The following PKNOX2 variants were observed in gnomAD, a reference collection of about 807,000 sequenced individuals.
PKNOX2 encodes the protein homeobox protein PKNOX2.
A neutral mutation model predicts 53.1 loss-of-function variants in PKNOX2; 14 were observed. That is an observed-to-expected ratio of 0.26 (90% CI 0.17 to 0.41). The LOEUF (loss-of-function observed/expected upper bound fraction) is 0.41. Ranked by LOEUF, PKNOX2 falls within the 10% of genes least tolerant of loss-of-function variation. The pLI is 1.00. For missense variants in PKNOX2, 496 were observed against 602.8 expected (o/e 0.82, Z 1.85); for synonymous variants, 257 against 242.8 (o/e 1.06, Z -0.54).
intron 1 of PKNOX2, among the ~76,000 whole-genome samples, chr11:125,178,740 G>GAAA (rs201550347): frequency 0.03 from 4,506 of 150,226 alleles, 142 homozygotes; most frequent in Middle Eastern, 0.041. Context: ...AAGAGAGAAA[G>GAAA]GAAGAAAGAG....
At chr11:125,383,460 A>G (rs1196699364) in intron 5 of PKNOX2, among the ~76,000 whole-genome samples, 1 of 151,308 alleles carries the variant, frequency 6.6e-6, no homozygotes, top group East Asian at 1.9e-4. Context: ...AAAAAAAAAA[A>G]AAAAAAATTA....
intron 1 of PKNOX2, among the ~76,000 whole-genome samples, chr11:125,231,558 C>T (rs1313810884): frequency 6.6e-6 from 1 of 152,248 alleles, no homozygotes; most frequent in Non-Finnish European, 1.5e-5. Context: ...AGACAGCTGG[C>T]TTTGGAAGGC....
intron 2 of PKNOX2, among the ~76,000 whole-genome samples, chr11:125,248,295 C>A (rs902157690): frequency 3.3e-5 from 5 of 152,098 alleles, no homozygotes; most frequent in African/African-American, 1.2e-4. Flanking sequence ...GATGTTATGG[C>A]CAGCAAAAGA....
chr11:125,164,832 G>C (rs1202639455), intron 1 of PKNOX2, 56 bp downstream of exon 1: 2 of 178,534 alleles, frequency 1.1e-5, no homozygotes, highest in African/African-American at 4.8e-5. Flanking sequence ...CGGCGGCGGC[G>C]CGGCGGCGGC....
At chr11:125,369,645 G>A (rs1952414783) in intron 5 of PKNOX2, among the ~76,000 whole-genome samples, 1 of 152,224 alleles carries the variant, frequency 6.6e-6, no homozygotes. Flanking sequence ...TAAAGGTTGA[G>A]TAACAGACCC....
rs751351317 is a variant in PKNOX2, at chr11:125,240,855, G to T, written c.-130+5740G>T. Among the ~76,000 whole-genome samples, 1 of 152,160 alleles carries T rather than the reference G, an allele frequency of 6.6e-6. No homozygotes were observed. The highest frequency in any genetic ancestry group is 1.9e-4 in the East Asian group (1 of 5,188). ...TAGCCAGCCAAGCTGGCTCTTCAGA[G>T]AGGAAAAATTGCTCCAAAGCTAGCC... On this transcript the variant is annotated intron_variant, in intron 2 of 12. Coordinates refer to ENST00000298282, the MANE Select transcript of PKNOX2 (RefSeq NM_001382323.2). The surrounding 1 kb of genome is among the most constrained non-coding windows in gnomAD (Gnocchi z 4.3).
chr11:125,282,866 A>C (rs115044044), intron 2 of PKNOX2, among the ~76,000 whole-genome samples: 1 of 152,350 alleles, frequency 6.6e-6, no homozygotes, highest in African/African-American at 2.4e-5. Context: ...AATTTCACAT[A>C]GCCAGCCGGG....
chr11:125,211,056 T>C (rs1163140376), intron 1 of PKNOX2, among the ~76,000 whole-genome samples: 1 of 152,160 alleles, frequency 6.6e-6, no homozygotes, highest in African/African-American at 2.4e-5. Context: ...CCTAGCACAG[T>C]GCACAGCACT....
chr11:125,351,506 G>A (rs1019031517), intron 4 of PKNOX2, 114 bp downstream of exon 4: 4 of 685,118 alleles, frequency 5.8e-6, no homozygotes, highest in Non-Finnish European at 1.0e-5. Flanking sequence ...CAGGCCTCCC[G>A]CAATCACGTC....
intron 2 of PKNOX2, among the ~76,000 whole-genome samples, chr11:125,237,301 G>A (rs1234118522): frequency 6.6e-6 from 1 of 152,232 alleles, no homozygotes; most frequent in African/African-American, 2.4e-5. Context: ...AAGGCAAGCA[G>A]CATCATAGCC....
intron 5 of PKNOX2, among the ~76,000 whole-genome samples, chr11:125,379,776 G>A (rs1260165887): frequency 6.6e-6 from 1 of 152,154 alleles, no homozygotes; most frequent in Non-Finnish European, 1.5e-5. Context: ...GCAAATTTGG[G>A]TGATGTAAAA....
At chr11:125,205,139 T>C (rs1189420579) in intron 1 of PKNOX2, among the ~76,000 whole-genome samples, 1 of 152,262 alleles carries the variant, frequency 6.6e-6, no homozygotes, top group Admixed American at 6.5e-5. Context: ...AGATGCTCCA[T>C]ACATATTTTA....
chr11:125,289,176 T>C (rs1183096454), intron 2 of PKNOX2, among the ~76,000 whole-genome samples: 2 of 152,190 alleles, frequency 1.3e-5, no homozygotes, highest in African/African-American at 4.8e-5. Context: ...ACCGGGGCCC[T>C]GCTGACCAGG....
intron 3 of PKNOX2, among the ~76,000 whole-genome samples, chr11:125,343,953 C>T (rs184580289): frequency 5.3e-5 from 8 of 152,266 alleles, no homozygotes; most frequent in African/African-American, 7.2e-5. Flanking sequence ...AAGGGCAGGA[C>T]GGTGGGGCTC....
At chr11:125,267,751 G>A (rs370189473) in intron 2 of PKNOX2, among the ~76,000 whole-genome samples, 44 of 146,440 alleles carry the variant, frequency 3.0e-4, no homozygotes, top group East Asian at 1.7e-3. Flanking sequence ...ATGTGTGCGC[G>A]TGTGTGTGTG....
chr11:125,262,184 G>C (rs1944903930), intron 2 of PKNOX2, among the ~76,000 whole-genome samples: 1 of 152,226 alleles, frequency 6.6e-6, no homozygotes, highest in Non-Finnish European at 1.5e-5. Flanking sequence ...GGGCTGAAGA[G>C]TAGGGGCCAG....
At chr11:125,404,184 G>A (rs1565517687) in intron 7 of PKNOX2, among the ~76,000 whole-genome samples, 1 of 152,142 alleles carries the variant, frequency 6.6e-6, no homozygotes, top group Non-Finnish European at 1.5e-5. Flanking sequence ...GACTGAAGTG[G>A]AATAAAATGA....
intron 12 of PKNOX2, 35 bp from the exon 13 acceptor site, chr11:125,431,131 C>T (rs1445755961): frequency 1.2e-6 from 2 of 1,603,060 alleles, no homozygotes; most frequent in East Asian, 2.2e-5. Context: ...GACCAGCAGC[C>T]CCTGCCTCGT....
chr11:125,319,081 C>T (rs751292252), intron 2 of PKNOX2, among the ~76,000 whole-genome samples: 2 of 152,094 alleles, frequency 1.3e-5, no homozygotes, highest in Admixed American at 6.6e-5. Context: ...TTTTGACATG[C>T]CTCCCTCACT....
Sources: gnomAD v4.1 joint callset for allele counts (sites outside exome capture counted in the v4.1 genomes callset) on GRCh38, gnomAD v4.1.1 for gene constraint, Gnocchi (gnomAD v3.1) non-coding constraint, MANE v1.5 for transcripts, NCBI Gene and HGNC (gene_info 2026-07-23, HGNC 2026-07-21) for gene names.